RDH12: variants seen among roughly 807,000 people sequenced by gnomAD.
The protein encoded by RDH12 is retinol dehydrogenase 12.
RDH12 carries 21 observed loss-of-function variants against 34.0 expected under a neutral mutation model. The observed-to-expected ratio is 0.62, with a 90% CI of 0.44 to 0.89. RDH12 has a LOEUF of 0.89. Ranked by LOEUF, RDH12 falls within the 40% of genes least tolerant of loss-of-function variation. RDH12 has a pLI of 0.00. For missense variants in RDH12, 394 were observed against 398.6 expected (o/e 0.99, Z 0.10); for synonymous variants, 198 against 169.9 (o/e 1.17, Z -1.29).
At chr14:67,726,273 T>TGGGTCTAGTCTATTGGA in intron 6 of RDH12, 118 bp downstream of exon 6, 1 of 745,234 alleles carries the variant, frequency 1.3e-6, no homozygotes, top group Non-Finnish European at 2.5e-6. Flanking sequence ...GGAATTCCAA[T>TGGGTCTAGTCTATTGGA]AGACTAGACC....
intron 1 of RDH12, among the ~76,000 whole-genome samples, chr14:67,708,564 T>C (rs2037975464): frequency 6.6e-6 from 1 of 152,184 alleles, no homozygotes; most frequent in African/African-American, 2.4e-5. Context: ...CTGTGGCATA[T>C]GATAATTTAA....
intron 1 of RDH12, among the ~76,000 whole-genome samples, chr14:67,711,084 GT>G (rs1213711886): frequency 6.6e-6 from 1 of 152,184 alleles, no homozygotes; most frequent in Non-Finnish European, 1.5e-5. Context: ...TTAGTTTATA[GT>G]TTAGCTTTGA....
In RDH12 at chr14:67,733,775, G is replaced by C. The variant is rs746131696; in HGVS notation, c.878G>C (p.Arg293Thr). 18 of 1,613,284 alleles carry C rather than the reference G, an allele frequency of 1.1e-5. No homozygotes were observed. The Middle Eastern group carries it at 8.2e-4, about 74-fold the overall frequency. ...TGCAAGAGGACCTGGGTGTCTCCAA[G>C]GGCCCGAAATAACAAAACAGCTGAG... ...SDCKRTWVSP[R>T]ARNNKTAERL... The change falls in exon 9 of 9, where the codon AGG (arginine) becomes ACG (threonine). Residue 293 changes from arginine (R) to threonine (T), a missense_variant. Coordinates refer to ENST00000551171, the MANE Select transcript of RDH12 (RefSeq NM_152443.3).
intron 7 of RDH12, among the ~76,000 whole-genome samples, chr14:67,728,537 A>C (rs1031963495): frequency 2.0e-4 from 31 of 152,214 alleles, no homozygotes; most frequent in African/African-American, 7.2e-4. Flanking sequence ...AATTTACTTA[A>C]ACTTTCTGTG....
At position 67,727,177 on chromosome 14, in the gene RDH12, C is replaced by T; in HGVS notation, c.645C>T (p.Ala215=). 1 of 1,612,616 alleles carries T rather than the reference C, an allele frequency of 6.2e-7. No individual in the cohort carries two copies. The highest frequency in any genetic ancestry group is 8.5e-7 in the Non-Finnish European group (1 of 1,179,442). Residue 215 remains alanine, a synonymous_variant, in exon 7 of 9, where the codon GCC becomes GCT. Coordinates refer to ENST00000551171, the MANE Select transcript of RDH12 (RefSeq NM_152443.3). ...LANVLFTREL[A]KRLQGTGVTT... is the part of the protein sequence containing the mutation. ...ATGTGCTTTTTACTCGTGAGCTGGC[C>T]AAGAGGCTCCAAGGTAAGTCTGGAG...
In RDH12 at chr14:67,705,952, A is replaced by C. The variant is rs187561129; in HGVS notation, c.-275+4017A>C. On this transcript the variant is annotated intron_variant, in intron 1 of 8. Transcript: ENST00000551171. ...TATGTCAAGCAGTTAATTAGTAAAG[A>C]TATCAGGTGCAGTGGCATGTGCCTA... is the stretch of plus-strand genomic sequence containing the variant. 6.3e-4 allele frequency: 96 copies of C among 152,362 alleles called. 1 individual carries two copies. Among genetic ancestry groups the C allele is most frequent in the Admixed American group, 6.3e-3 (96 of 15,308 alleles). The allele number at this position is 152,362 out of a possible 1,614,324, so 9.4% of individuals were successfully genotyped here.
rs28407185 is a variant in RDH12 at position 67,734,233 on chromosome 14, T to C, written c.*385T>C. On this transcript the variant is annotated 3_prime_UTR_variant, in exon 9 of 9. Transcript: ENST00000551171. The stretch of plus-strand genomic sequence containing the variant: ...ACCATCACTGCCTATTTCTAGGGGC[T>C]ATACACTCCAACTCTTGGTTGATCT... The C allele has an allele frequency of 7.0e-3, 1,731 of 246,140 alleles. 36 individuals are homozygous for C. The highest frequency in any genetic ancestry group is 0.036 in the African/African-American group (1,649 of 45,266). The allele number at this position is 246,140 out of a possible 1,614,324, so 15.2% of individuals were successfully genotyped here.
intron 6 of RDH12, among the ~76,000 whole-genome samples, chr14:67,726,593 T>C (rs1375563817): frequency 6.6e-6 from 1 of 152,068 alleles, no homozygotes; most frequent in African/African-American, 2.4e-5. Flanking sequence ...GCAAAGACTT[T>C]AGGGAGGAGA....
chr14:67,727,506 G>C (rs1465883921), intron 7 of RDH12: 1 of 320,092 alleles, frequency 3.1e-6, no homozygotes, highest in Non-Finnish European at 5.8e-6. Flanking sequence ...TTTGAGACTT[G>C]AGTTTCGCTC....
intron 8 of RDH12, among the ~76,000 whole-genome samples, chr14:67,731,207 CTTTTT>C (rs71129853): frequency 9.9e-5 from 9 of 90,618 alleles, no homozygotes; most frequent in South Asian, 4.6e-4. Flanking sequence ...TTCTTTCTTT[CTTTTT>C]TTTTTTTTTT....
At chr14:67,713,149 T>A (rs1289959782) in intron 1 of RDH12, among the ~76,000 whole-genome samples, 1 of 152,026 alleles carries the variant, frequency 6.6e-6, no homozygotes, top group Admixed American at 6.5e-5. Flanking sequence ...CAGCTTTTTG[T>A]TAACTTTAGC....
intron 1 of RDH12, among the ~76,000 whole-genome samples, chr14:67,707,683 T>G (rs865812261): frequency 1.1e-4 from 17 of 152,204 alleles, no homozygotes; most frequent in African/African-American, 3.6e-4. Flanking sequence ...TTAAATTGGC[T>G]TTGATGAAAC....
At chr14:67,703,443 T>A (rs2037921106) in intron 1 of RDH12, among the ~76,000 whole-genome samples, 1 of 152,218 alleles carries the variant, frequency 6.6e-6, no homozygotes, top group Non-Finnish European at 1.5e-5. Context: ...TAAGTCTTCT[T>A]AAGTTAGTAA....
intron 2 of RDH12, among the ~76,000 whole-genome samples, chr14:67,721,938 T>A (rs1353208495): frequency 6.6e-6 from 1 of 152,180 alleles, no homozygotes; most frequent in Non-Finnish European, 1.5e-5. Flanking sequence ...CCTTGTAATA[T>A]GCATGTGCGT....
At chr14:67,721,961 T>A (rs2038129338) in intron 2 of RDH12, among the ~76,000 whole-genome samples, 1 of 152,096 alleles carries the variant, frequency 6.6e-6, no homozygotes, top group Admixed American at 6.6e-5. Flanking sequence ...GTTAACTTCA[T>A]TGAAGTAAAA....
chr14:67,728,457 A>G (rs2038218765), intron 7 of RDH12, among the ~76,000 whole-genome samples: 1 of 152,144 alleles, frequency 6.6e-6, no homozygotes, highest in African/African-American at 2.4e-5. Flanking sequence ...CAGACAGTCC[A>G]TTCCATGTTT....
At chr14:67,724,409 T>A (rs2038160942) in intron 3 of RDH12, 64 bp from the exon 4 acceptor site, 44 of 819,192 alleles carry the variant, frequency 5.4e-5, no homozygotes, top group Non-Finnish European at 7.2e-5. Flanking sequence ...TTTTTTTTTT[T>A]AACGTATCTT....
At chr14:67,707,018 T>C (rs1327554745) in intron 1 of RDH12, among the ~76,000 whole-genome samples, 1 of 152,224 alleles carries the variant, frequency 6.6e-6, no homozygotes, top group Non-Finnish European at 1.5e-5. Flanking sequence ...CATTACTCTG[T>C]AGTCCATACA....
chr14:67,711,346 A>G (rs951542750), intron 1 of RDH12, among the ~76,000 whole-genome samples: 1 of 152,226 alleles, frequency 6.6e-6, no homozygotes, highest in African/African-American at 2.4e-5. Flanking sequence ...TGCTTGATTA[A>G]TAAATGCAAA....
Sources: allele counts gnomAD v4.1 joint callset (sites outside exome capture counted in the v4.1 genomes callset), GRCh38; gene constraint gnomAD v4.1.1; transcripts MANE v1.5; gene names NCBI Gene and HGNC (gene_info 2026-07-23, HGNC 2026-07-21).